DCDC1: variants seen among roughly 807,000 people sequenced by gnomAD.
DCDC1 encodes doublecortin domain containing 1, also known as doublecortin domain-containing protein 1.
In DCDC1, 200 loss-of-function variants were observed where a neutral mutation model predicts 178.3. The ratio of observed to expected loss-of-function variants is 1.12; its 90% CI spans 1.00 to 1.26. The LOEUF is 1.26. Ranked by LOEUF, DCDC1 falls within the 50% of genes most tolerant of loss-of-function variation. The pLI is 0.00. For synonymous variants in DCDC1, 690 were observed against 604.8 expected (o/e 1.14, Z -2.07); for missense variants, 1,983 against 1,749.2 (o/e 1.13, Z -2.38).
chr11:31,013,662 T>C (rs1488515543), intron 20 of DCDC1, among the ~76,000 whole-genome samples: 1 of 152,208 alleles, frequency 6.6e-6, no homozygotes, highest in Non-Finnish European at 1.5e-5. Context: ...TTTAAAACTG[T>C]ACAACAATCC....
intron 21 of DCDC1, chr11:30,943,095 A>AAACC (rs1947771710): frequency 6.6e-6 from 1 of 151,770 alleles, no homozygotes; most frequent in Non-Finnish European, 1.5e-5. Context: ...GCATGTCTTT[A>AAACC]TTGGTTTTCT....
chr11:31,348,839 T>A (rs554198996), intron 1 of DCDC1, among the ~76,000 whole-genome samples: 26 of 152,294 alleles, frequency 1.7e-4, no homozygotes, highest in Non-Finnish European at 3.5e-4. Flanking sequence ...TAAATCTACC[T>A]TCCTGGTGTT....
In DCDC1 at chr11:30,995,490, C is replaced by T. The variant is rs1951212256; in HGVS notation, c.2592-42922G>A. 2.6e-5 allele frequency among the ~76,000 whole-genome samples: 4 copies of T among 152,118 alleles called. No individual in the cohort carries two copies. The South Asian group carries it at 8.3e-4, about 31-fold the overall frequency. On this transcript the variant is annotated intron_variant, in intron 20 of 38. Coordinates refer to ENST00000684477, the MANE Select transcript of DCDC1 (RefSeq NM_001387274.1). ...AAAGAACAATGGTAGAAGACTCACA[C>T]TACCCAATTCCAGGTCTTGCTATGG... is the stretch of plus-strand genomic sequence containing the variant.
chr11:31,165,792 A>G (rs2136191664), intron 9 of DCDC1, among the ~76,000 whole-genome samples: 1 of 152,316 alleles, frequency 6.6e-6, no homozygotes, highest in East Asian at 1.9e-4. Flanking sequence ...AGGAGGTTGT[A>G]GTGCTAGAGT....
intron 9 of DCDC1, among the ~76,000 whole-genome samples, chr11:31,172,030 TAGAAG>T (rs1407781605): frequency 6.6e-6 from 1 of 152,164 alleles, no homozygotes; most frequent in Non-Finnish European, 1.5e-5. Context: ...GGGAAATTGA[TAGAAG>T]AGAAAACAAG....
chr11:31,328,001 A>C lies in DCDC1; in HGVS notation c.164+116T>G, dbSNP rs1949741766. 3 of 1,075,946 alleles carry C rather than the reference A, an allele frequency of 2.8e-6. No homozygotes were observed. The East Asian group carries it at 9.3e-5, about 33-fold the overall frequency. 66.6% of individuals were successfully genotyped at this position (1,075,946 alleles called of 1,614,324 possible). ...TGCCTCGGCCTCCCAAAGTGCTGGG[A>C]TTACAGGCATGAGCCACCTGGCCCG... On this transcript the variant is annotated intron_variant, in intron 3 of 38. Coordinates refer to ENST00000684477, the MANE Select transcript of DCDC1 (RefSeq NM_001387274.1).
At chr11:30,895,474 T>C (rs1944127201) in intron 34 of DCDC1, among the ~76,000 whole-genome samples, 2 of 152,230 alleles carry the variant, frequency 1.3e-5, no homozygotes, top group Admixed American at 1.3e-4. Context: ...CTCAATTTTG[T>C]TGCCAACATA....
intron 18 of DCDC1, among the ~76,000 whole-genome samples, chr11:31,074,167 A>G (rs1208968940): frequency 6.6e-6 from 1 of 152,184 alleles, no homozygotes; most frequent in African/African-American, 2.4e-5. Context: ...CATGGCTCAG[A>G]TCCAGTTCAC....
chr11:30,996,826 G>A (rs1772447932), intron 20 of DCDC1, among the ~76,000 whole-genome samples: 1 of 152,278 alleles, frequency 6.6e-6, no homozygotes, highest in South Asian at 2.1e-4. Flanking sequence ...ACATGGTCCA[G>A]CAATCACACT....
At chr11:30,914,271 C>T (rs1036407287) in intron 27 of DCDC1, among the ~76,000 whole-genome samples, 5 of 152,244 alleles carry the variant, frequency 3.3e-5, no homozygotes, top group Admixed American at 2.0e-4. Context: ...ATCAGCCCAG[C>T]GAGTTCTCCT....
intron 36 of DCDC1, among the ~76,000 whole-genome samples, chr11:30,884,377 T>C (rs974962590): frequency 6.6e-6 from 1 of 152,268 alleles, no homozygotes; most frequent in African/African-American, 2.4e-5. Flanking sequence ...CCTCTCTTTT[T>C]TTTGTTACGA....
intron 9 of DCDC1, among the ~76,000 whole-genome samples, chr11:31,223,476 A>C (rs948192900): frequency 6.6e-5 from 10 of 152,160 alleles, no homozygotes; most frequent in African/African-American, 2.4e-4. Flanking sequence ...TACTTTTTTC[A>C]TACTAATTTT....
Position 31,000,056 on chromosome 11 carries a change from C to G in DCDC1, c.2592-47488G>C, listed in dbSNP as rs60453389. ...GCTGGCTGTGGAGGAGCAGTCGGGT[C>G]CATTGTCAGTTGCAAGGGAAACACC... is the stretch of plus-strand genomic sequence containing the variant. On this transcript the variant is annotated intron_variant, in intron 20 of 38. Coordinates refer to ENST00000684477, the MANE Select transcript of DCDC1 (RefSeq NM_001387274.1). Among the ~76,000 whole-genome samples the G allele has an allele frequency of 5.2e-3, 791 of 152,182 alleles. 13 individuals are homozygous for G. The highest frequency in any genetic ancestry group is 0.018 in the African/African-American group (763 of 41,526).
chr11:31,303,425 A>T (rs1297094813), intron 6 of DCDC1, among the ~76,000 whole-genome samples: 1 of 152,140 alleles, frequency 6.6e-6, no homozygotes, highest in Non-Finnish European at 1.5e-5. Context: ...CTTTAAGTTT[A>T]TCTACCACTT....
intron 38 of DCDC1, among the ~76,000 whole-genome samples, chr11:30,867,165 A>G (rs1379216927): frequency 1.3e-5 from 2 of 152,238 alleles, no homozygotes; most frequent in African/African-American, 4.8e-5. Flanking sequence ...ACTTCAAGGC[A>G]TCTAGTGAAC....
intron 7 of DCDC1, among the ~76,000 whole-genome samples, chr11:31,267,991 T>C (rs1014776204): frequency 5.9e-5 from 9 of 152,188 alleles, no homozygotes. Flanking sequence ...TCAGTACAAA[T>C]TGCTCCTTAG....
At chr11:31,182,811 G>A (rs563261227) in intron 9 of DCDC1, among the ~76,000 whole-genome samples, 1 of 152,146 alleles carries the variant, frequency 6.6e-6, no homozygotes, top group Admixed American at 6.5e-5. Context: ...CTGGCAAGCT[G>A]AATAAAGATT....
intron 7 of DCDC1, among the ~76,000 whole-genome samples, chr11:31,271,435 C>T (rs1172258254): frequency 3.9e-5 from 6 of 152,178 alleles, no homozygotes; most frequent in Non-Finnish European, 7.4e-5. Flanking sequence ...TAAATCTCCC[C>T]ATACCTACCT....
At chr11:31,312,432 C>A (rs1293802348) in intron 3 of DCDC1, among the ~76,000 whole-genome samples, 2 of 152,148 alleles carry the variant, frequency 1.3e-5, no homozygotes, top group Non-Finnish European at 2.9e-5. Context: ...GACTAGGCAA[C>A]AGGATGCCCA....
Sources: gnomAD v4.1 joint callset for allele counts (sites outside exome capture counted in the v4.1 genomes callset) on GRCh38, gnomAD v4.1.1 for gene constraint, MANE v1.5 for transcripts, NCBI Gene and HGNC (gene_info 2026-07-23, HGNC 2026-07-21) for gene names.